NBEA: variants seen among roughly 807,000 people sequenced by gnomAD.
NBEA encodes neurobeachin, also known as lysosomal-trafficking regulator 2.
A neutral mutation model predicts 343.4 loss-of-function variants in NBEA; 44 were observed. The observed-to-expected ratio is 0.13, with a 90% CI of 0.10 to 0.16. NBEA has a LOEUF of 0.16. Ranked by LOEUF, NBEA falls within the 10% of genes least tolerant of loss-of-function variation. NBEA has a pLI of 1.00. For missense variants in NBEA, 2,555 were observed against 3,631.3 expected, an observed-to-expected ratio of 0.70 and a Z score of 7.62; for synonymous variants, 1,175 against 1,238.7, an observed-to-expected ratio of 0.95 and a Z score of 1.08.
At chr13:35,435,739 A>G (rs954392337) in intron 39 of NBEA, among the ~76,000 whole-genome samples, 5 of 152,206 alleles carry the variant, frequency 3.3e-5, no homozygotes, top group Non-Finnish European at 7.4e-5. Context: ...TCATTTATCC[A>G]CTGTAAATGA....
chr13:35,150,808 G>GTAGAT (rs2068730674), intron 18 of NBEA, among the ~76,000 whole-genome samples: 1 of 147,388 alleles, frequency 6.8e-6, no homozygotes, highest in Admixed American at 6.6e-5. Flanking sequence ...GTAGAGTAGA[G>GTAGAT]TAGAGTAGAG....
chr13:35,501,812 A>T (rs902784522), intron 41 of NBEA, among the ~76,000 whole-genome samples: 1 of 152,068 alleles, frequency 6.6e-6, no homozygotes, highest in Non-Finnish European at 1.5e-5. Context: ...TCCTCCTGCA[A>T]CTGCAAAGCC....
At chr13:35,536,645 A>G (rs947272334) in intron 41 of NBEA, among the ~76,000 whole-genome samples, 12 of 94,536 alleles carry the variant, frequency 1.3e-4, no homozygotes, top group Admixed American at 1.1e-3. Flanking sequence ...AAATAGATAG[A>G]TGATAGATAG....
At chr13:34,984,508 C>A (rs79951082) in intron 1 of NBEA, among the ~76,000 whole-genome samples, 5,613 of 139,308 alleles carry the variant, frequency 0.04, 364 homozygotes, top group South Asian at 0.062. Context: ...TTTTGCTTAG[C>A]ATTGTATTGG....
chr13:35,072,566 A>G (rs80251508), intron 10 of NBEA, among the ~76,000 whole-genome samples: 1,543 of 151,102 alleles, frequency 0.01, 20 homozygotes, highest in African/African-American at 0.035. Flanking sequence ...TTGTTTGTTT[A>G]TTTATTTATT....
intron 47 of NBEA, among the ~76,000 whole-genome samples, chr13:35,601,761 CAAAAA>C (rs869213180): frequency 1.5e-4 from 17 of 114,900 alleles, no homozygotes; most frequent in South Asian, 5.5e-4. Flanking sequence ...GACTCCATCG[CAAAAA>C]AAAAAAAAAA....
chr13:35,578,438 C>A (rs59059531), intron 45 of NBEA, among the ~76,000 whole-genome samples: 24,490 of 152,076 alleles, frequency 0.16, 2,364 homozygotes, highest in East Asian at 0.28. Flanking sequence ...AGAAGGATCA[C>A]TTGAGGACAG....
At chr13:35,053,357 G>T (rs1461053291) in intron 6 of NBEA, among the ~76,000 whole-genome samples, 1 of 151,982 alleles carries the variant, frequency 6.6e-6, no homozygotes, top group Non-Finnish European at 1.5e-5. Flanking sequence ...TTAAGATTCT[G>T]CCTGGAATGT....
chr13:35,427,376 G>A (rs2044757842), intron 38 of NBEA, among the ~76,000 whole-genome samples: 1 of 152,206 alleles, frequency 6.6e-6, no homozygotes, highest in Non-Finnish European at 1.5e-5. Flanking sequence ...CTGCAGGTCT[G>A]TTGGAGTTTG....
chr13:35,411,412 G>T (rs1198795660), intron 38 of NBEA, among the ~76,000 whole-genome samples: 2 of 151,334 alleles, frequency 1.3e-5, no homozygotes, highest in Non-Finnish European at 2.9e-5. Context: ...TGTTGTAGAT[G>T]ATTTGCCTCT....
chr13:35,589,157 G>T (rs2081415864), intron 46 of NBEA, among the ~76,000 whole-genome samples: 1 of 152,106 alleles, frequency 6.6e-6, no homozygotes, highest in African/African-American at 2.4e-5. Context: ...TGCATGGTAG[G>T]TACATAGGTT....
chr13:35,396,609 G>A (rs915759297), intron 38 of NBEA, among the ~76,000 whole-genome samples: 1 of 151,910 alleles, frequency 6.6e-6, no homozygotes, highest in Non-Finnish European at 1.5e-5. Flanking sequence ...CCATTGCTAG[G>A]GACTGCAGTT....
intron 18 of NBEA, among the ~76,000 whole-genome samples, chr13:35,150,806 GAGTAGAGTA>G: frequency 6.8e-6 from 1 of 147,336 alleles, no homozygotes; most frequent in African/African-American, 2.7e-5. Flanking sequence ...GAGTAGAGTA[GAGTAGAGTA>G]GAGTAGAGTA....
chr13:35,153,894 G>A (rs1429361551), intron 18 of NBEA, among the ~76,000 whole-genome samples: 4 of 152,188 alleles, frequency 2.6e-5, no homozygotes, highest in Middle Eastern at 3.4e-3. Context: ...GGGTCTTCGG[G>A]GCAAGTTGTT....
At chr13:35,574,688 C>G (rs2080642925) in intron 45 of NBEA, among the ~76,000 whole-genome samples, 1 of 151,810 alleles carries the variant, frequency 6.6e-6, no homozygotes, top group African/African-American at 2.4e-5. Context: ...GAGTTTGAGA[C>G]CAACCTGAGC....
At chr13:35,583,771 A>G (rs1468135026) in intron 45 of NBEA, 127 bp from the exon 46 acceptor site, 24 of 679,022 alleles carry the variant, frequency 3.5e-5, no homozygotes, top group Non-Finnish European at 4.8e-5. Flanking sequence ...AAAATGTAAT[A>G]CAAAATAATG....
intron 38 of NBEA, among the ~76,000 whole-genome samples, chr13:35,383,596 G>A (rs921072173): frequency 2.0e-4 from 30 of 152,062 alleles, no homozygotes; most frequent in African/African-American, 7.0e-4. Flanking sequence ...GGGTGAGAGG[G>A]TCAGGCATAG....
chr13:35,523,134 T>G (rs2077798865), intron 41 of NBEA, among the ~76,000 whole-genome samples: 1 of 152,176 alleles, frequency 6.6e-6, no homozygotes, highest in Non-Finnish European at 1.5e-5. Context: ...ATTATTATAG[T>G]GACCACCCTT....
chr13:35,118,925 T>C (rs987972475), intron 16 of NBEA, among the ~76,000 whole-genome samples: 1 of 152,002 alleles, frequency 6.6e-6, no homozygotes, highest in African/African-American at 2.4e-5. Context: ...AATGTTGTGC[T>C]CAGATTGCTA....
Sources: gnomAD v4.1 joint callset for allele counts (sites outside exome capture counted in the v4.1 genomes callset) on GRCh38, gnomAD v4.1.1 for gene constraint, MANE v1.5 for transcripts, NCBI Gene and HGNC (gene_info 2026-07-23, HGNC 2026-07-21) for gene names.